ITGA2B: variants seen among roughly 807,000 people sequenced by gnomAD.
The protein encoded by ITGA2B is integrin subunit alpha 2b.
A neutral mutation model predicts 142.0 loss-of-function variants in ITGA2B; 91 were observed. The observed-to-expected ratio is 0.64, with a 90% CI of 0.54 to 0.76. ITGA2B has a LOEUF of 0.76. Among genes scored for constraint, ITGA2B ranks in the 30% least tolerant of loss-of-function variants. The pLI is 0.00. For synonymous variants in ITGA2B, 536 were observed against 567.2 expected (o/e 0.94, Z 0.78); for missense variants, 1,231 against 1,350.8 (o/e 0.91, Z 1.39).
In ITGA2B at chr17:44,378,392, G is replaced by A. The variant is rs752650258; in HGVS notation, c.2064C>T (p.Ala688=). 12 of 1,613,018 alleles carry A rather than the reference G, an allele frequency of 7.4e-6. No homozygotes were observed. In the East Asian group the frequency reaches 1.1e-4, roughly 15 times the overall value. ...CATTGCTTAGGGCCCGCATGTAGTG[G>A]GCGCCCTGGGGCAGGTGCACGGCCA... is the stretch of plus-strand genomic sequence containing the variant. ...AELAVHLPQG[A]HYMRALSNVE... Residue 688 remains alanine (A), a synonymous_variant, in exon 20 of 30, where the codon GCC becomes GCT. Transcript: ENST00000262407.
intron 4 of ITGA2B, 49 bp downstream of exon 4, chr17:44,385,502 G>C (rs1248066092): frequency 6.5e-6 from 10 of 1,533,392 alleles, no homozygotes; most frequent in Non-Finnish European, 8.7e-6. Context: ...GATGGGGGCG[G>C]GGCCAAGCCG....
Position 44,374,387 on chromosome 17 carries a change from C to G in ITGA2B, c.3027G>C (p.Leu1009=), listed in dbSNP as rs1312916091. The change falls in exon 29 of 30, where the codon CTG becomes CTC. Residue 1009 remains leucine (L), a synonymous_variant. Coordinates refer to ENST00000262407, the MANE Select transcript of ITGA2B (RefSeq NM_000419.5). ...WVLVGVLGGL[L]LLTILVLAMW... ...TGGCCAGGACCAGGATGGTGAGCAG[C>G]AGCAGGCCACCCAGCACACCCACCA... 3.7e-6 allele frequency: 6 copies of G among 1,613,978 alleles called. No individual in the cohort carries two copies. In the Admixed American group the frequency reaches 1.0e-4, roughly 27 times the overall value.
Position 44,375,709 on chromosome 17 carries a change from C to G in ITGA2B, c.2609G>C (p.Trp870Ser). The G allele has an allele frequency of 1.3e-6, 2 of 1,582,658 alleles. No individual in the cohort carries two copies. Among genetic ancestry groups the G allele is most frequent in the Non-Finnish European group, 1.7e-6 (2 of 1,164,528 alleles). The change falls in exon 26 of 30, where the codon TGG becomes TCG. Residue 870 changes from tryptophan to serine, a missense_variant. By Grantham distance (177) the Trp-to-Ser change is radical. Coordinates refer to ENST00000262407, the MANE Select transcript of ITGA2B (RefSeq NM_000419.5). ...QPPVNPLKVD[W>S]GLPIPSPSPI... ...GGAGGGGCTGGGGATGGGCAGCCCC[C>G]AGTCCACCTGGGGGGGCAAAGGAGT...
intron 10 of ITGA2B, 63 bp from the exon 11 acceptor site, chr17:44,384,009 C>A: frequency 6.2e-7 from 1 of 1,613,522 alleles, no homozygotes; most frequent in South Asian, 1.1e-5. Context: ...AGAAATGGGC[C>A]CTCACCTCCC....
intron 12 of ITGA2B, 56 bp from the exon 13 acceptor site, chr17:44,381,117 C>G (rs1473198395): frequency 5.2e-6 from 8 of 1,552,302 alleles, no homozygotes; most frequent in Non-Finnish European, 7.0e-6. Context: ...CCCTAGATGA[C>G]TGTAAAACTT....
At chr17:44,388,467 C>T (rs1166083955) in intron 1 of ITGA2B, among the ~76,000 whole-genome samples, 1 of 150,644 alleles carries the variant, frequency 6.6e-6, no homozygotes, top group Admixed American at 6.6e-5. Flanking sequence ...AACGATTCTC[C>T]TGCCTCAGCC....
chr17:44,387,692 G>A (rs1164236435), intron 1 of ITGA2B, among the ~76,000 whole-genome samples: 1 of 151,708 alleles, frequency 6.6e-6, no homozygotes, highest in Non-Finnish European at 1.5e-5. Flanking sequence ...GGGTGTGGTG[G>A]CACATGCCTG....
In ITGA2B at chr17:44,376,063, G is replaced by A. The variant is rs1410146419; in HGVS notation, c.2448+22C>T. The A allele has an allele frequency of 3.1e-6, 5 of 1,614,012 alleles. No homozygotes were observed. In the African/African-American group the frequency reaches 6.7e-5, roughly 22 times the overall value. On this transcript the variant is annotated intron_variant, in intron 24 of 29. Transcript: ENST00000262407. ...TCTGAGGACCCGCTCACCCCAGCCA[G>A]GGACGCGAGGCTCCCCAATACCTCA...
In ITGA2B at chr17:44,375,916, G is replaced by T. The variant is rs1225975806; in HGVS notation, c.2518C>A (p.Pro840Thr). 1.2e-6 allele frequency: 2 copies of T among 1,613,456 alleles called. No individual in the cohort carries two copies. Among genetic ancestry groups the T allele is most frequent in the Admixed American group, 3.3e-5 (2 of 59,896 alleles). ...LSIHLPGQSQ[P>T]SDLLYILDIQ... is the part of the protein sequence containing the mutation. Reference sequence around the variant, plus strand: ...TCCAGGATGTAGAGCAGGTCGGAGGGCTGGGACTGTCCCGGAAGGTGGATG... The same window carrying T: ...TCCAGGATGTAGAGCAGGTCGGAGGTCTGGGACTGTCCCGGAAGGTGGATG... The change falls in exon 25 of 30, where the codon CCC becomes ACC. Residue 840 changes from proline to threonine, a missense_variant. This residue lies in a region of ITGA2B where 908 missense variants were observed against 1,021.1 expected (regional missense o/e 0.89). Transcript: ENST00000262407.
At position 44,378,795 on chromosome 17, in the gene ITGA2B, T is replaced by C. The variant is rs942981249; in HGVS notation, c.1879-85A>G. On this transcript the variant is annotated intron_variant, in intron 18 of 29. Coordinates refer to ENST00000262407, the MANE Select transcript of ITGA2B (RefSeq NM_000419.5). The stretch of plus-strand genomic sequence containing the variant: ...ATCAGGGTTAGGAAAACAGTGGGCT[T>C]GGGGTTCACATAGGGGCTTAGGGAG... 2.3e-5 allele frequency: 29 copies of C among 1,270,690 alleles called. No homozygotes were observed. The African/African-American group carries it at 4.3e-4, about 19-fold the overall frequency. The allele number at this position is 1,270,690 out of a possible 1,614,324, so 78.7% of individuals were successfully genotyped here. A position where few individuals can be genotyped will look rare whatever the true frequency, so the allele number is the denominator to read the frequency against.
rs759911076 is a variant in ITGA2B at position 44,385,897 on chromosome 17, G to A, written c.335C>T (p.Ser112Phe). ...GGCCTTGAAGGTTTGTAAAGTTTGGGAGCCTACATTTCGGGTCTCATCACC... is the reference window on the plus strand; with the variant it reads ...GGCCTTGAAGGTTTGTAAAGTTTGGAAGCCTACATTTCGGGTCTCATCACC... Reference protein sequence around the residue: ...DLRDETRNVGSQTLQTFKARQ... With the variant: ...DLRDETRNVGFQTLQTFKARQ... The change falls in exon 3 of 30, where the codon TCC becomes TTC. Residue 112 changes from serine (S) to phenylalanine (F), a missense_variant. Transcript: ENST00000262407. 6.2e-7 allele frequency: 1 copy of A among 1,611,592 alleles called. No homozygotes were observed. The highest frequency in any genetic ancestry group is 8.5e-7 in the Non-Finnish European group (1 of 1,178,812).
In ITGA2B at chr17:44,388,818, C is replaced by CTTTTTTTTTTT. The variant is rs758076614; in HGVS notation, c.188+457_188+467dup. On this transcript the variant is annotated intron_variant, in intron 1 of 29. Coordinates refer to ENST00000262407, the MANE Select transcript of ITGA2B (RefSeq NM_000419.5). ...AGGTGTGAGCCACTGTGCCTGGTCT[C>CTTTTTTTTTTT]TTTTTTTTTTTTTTTTTTGTATTTT... Among the ~76,000 whole-genome samples, 81 of 132,112 alleles carry CTTTTTTTTTTT rather than the reference C, an allele frequency of 6.1e-4. 2 individuals carry two copies. The highest frequency in any genetic ancestry group is 8.4e-4 in the Non-Finnish European group (53 of 62,738). 86.7% of individuals were successfully genotyped at this position (132,112 alleles called of 152,430 possible).
intron 18 of ITGA2B, among the ~76,000 whole-genome samples, chr17:44,379,460 G>T (rs1032238171): frequency 3.3e-5 from 5 of 151,792 alleles, no homozygotes; most frequent in Non-Finnish European, 5.9e-5. Context: ...CACCATGTTG[G>T]CCAGGTTGGT....
chr17:44,377,368 G>A (rs550055543), intron 21 of ITGA2B, among the ~76,000 whole-genome samples: 1 of 151,862 alleles, frequency 6.6e-6, no homozygotes, highest in Admixed American at 6.6e-5. Context: ...GGTAATTTTT[G>A]TATTTTTAGT....
At chr17:44,386,521 C>A (rs1222344276) in intron 1 of ITGA2B, among the ~76,000 whole-genome samples, 1 of 152,214 alleles carries the variant, frequency 6.6e-6, no homozygotes, top group East Asian at 1.9e-4. Flanking sequence ...GTTACCAGAT[C>A]CCCTCTTGAG....
intron 20 of ITGA2B, 96 bp from the exon 21 acceptor site, chr17:44,377,886 A>C (rs1373351236): frequency 6.9e-6 from 2 of 288,952 alleles, no homozygotes; most frequent in Non-Finnish European, 1.4e-5. Flanking sequence ...GTGCCAAGGT[A>C]GGGAGGGGGG....
chr17:44,379,434 A>G (rs2048574323), intron 18 of ITGA2B, among the ~76,000 whole-genome samples: 1 of 150,822 alleles, frequency 6.6e-6, no homozygotes, highest in African/African-American at 2.4e-5. Context: ...TTGTATTTTT[A>G]GTAGAGATGG....
chr17:44,373,881 TGCTCTACTAGAGAAAGACA>T (rs2048516587), intron 29 of ITGA2B: 1 of 207,802 alleles, frequency 4.8e-6, no homozygotes, highest in Non-Finnish European at 9.9e-6. Flanking sequence ...TTGCCTTTTT[TGCTCTACTAGAGAAAGACA>T]TTCTATTTTT....
rs2048678390 is a variant in ITGA2B, at chr17:44,389,353, A to G, written c.121T>C (p.Phe41Leu). The G allele has an allele frequency of 9.9e-6, 16 of 1,614,038 alleles. No homozygotes were observed. Among genetic ancestry groups the G allele is most frequent in the Non-Finnish European group, 1.3e-5 (15 of 1,180,026 alleles). ...TGGCTGCCATTGGGGCCTGCATAGA[A>G]GGTGAGCTGCACTGGGTCCAGGTTC... ...ALNLDPVQLT[F>L]YAGPNGSQFG... Residue 41 changes from phenylalanine to leucine, a missense_variant, in exon 1 of 30, where the codon TTC (phenylalanine) becomes CTC (leucine). Transcript: ENST00000262407.
Sources: gnomAD v4.1 joint callset for allele counts (sites outside exome capture counted in the v4.1 genomes callset) on GRCh38, gnomAD v4.1.1 for gene constraint, gnomAD v4.1.1 regional missense constraint, MANE v1.5 for transcripts, NCBI Gene and HGNC (gene_info 2026-07-23, HGNC 2026-07-21) for gene names.